The following MMP11 variants were observed in gnomAD, a reference collection of about 807,000 sequenced individuals.
The protein encoded by MMP11 is matrix metallopeptidase 11.
In MMP11, 26 loss-of-function variants were observed where a neutral mutation model predicts 49.5. That is an observed-to-expected ratio of 0.52 (90% CI 0.38 to 0.73). The LOEUF is 0.73. MMP11 is among the 30% of genes least tolerant of loss of function. The pLI, the probability that MMP11 is intolerant of heterozygous loss-of-function variation, is 0.00. For missense variants in MMP11, 624 were observed against 671.2 expected (o/e 0.93, Z 0.78); for synonymous variants, 265 against 282.3 (o/e 0.94, Z 0.62).
At chr22:23,773,689 G>A (rs1927314640) in intron 1 of MMP11, among the ~76,000 whole-genome samples, 1 of 152,172 alleles carries the variant, frequency 6.6e-6, no homozygotes, top group African/African-American at 2.4e-5. Flanking sequence ...AGGAGGGACT[G>A]TCATGGAGTG....
chr22:23,779,717 C>T, intron 2 of MMP11: 1 of 477,220 alleles, frequency 2.1e-6, no homozygotes, highest in Non-Finnish European at 3.8e-6. Flanking sequence ...TACAAGAGAC[C>T]TGTGAGGACC....
chr22:23,775,412 C>T (rs1362250347), intron 1 of MMP11, among the ~76,000 whole-genome samples: 3 of 152,318 alleles, frequency 2.0e-5, no homozygotes, highest in East Asian at 1.9e-4. Context: ...TGCTTCATGC[C>T]GTGCCTTGTA....
rs770660025 is a variant in MMP11 at position 23,782,390 on chromosome 22, A to C, written c.1240A>C (p.Ser414Arg). ...RGRDYWRFHP[S>R]TRRVDSPVPR... ...CAGGGACTACTGGCGTTTCCACCCCAGCACCCGGCGTGTAGACAGTCCCGT... is the reference window on the plus strand; with the variant it reads ...CAGGGACTACTGGCGTTTCCACCCCCGCACCCGGCGTGTAGACAGTCCCGT... Residue 414 changes from serine to arginine, a missense_variant, in exon 7 of 8, where the codon AGC (serine) becomes CGC (arginine). Coordinates refer to ENST00000215743, the MANE Select transcript of MMP11 (RefSeq NM_005940.5). 6.2e-7 allele frequency: 1 copy of C among 1,613,918 alleles called. No individual in the cohort carries two copies. Among genetic ancestry groups the C allele is most frequent in the Non-Finnish European group, 8.5e-7 (1 of 1,180,000 alleles).
At position 23,779,212 on chromosome 22, in the gene MMP11, G is replaced by C; in HGVS notation, c.134G>C (p.Arg45Thr). ...GACGCCCACCACCTCCATGCCGAGA[G>C]GAGGGGGCCACAGCCCTGGCATGCA... is the stretch of plus-strand genomic sequence containing the variant. ...PPDAHHLHAERRGPQPWHAAL... is the reference protein window; with the variant it reads ...PPDAHHLHAETRGPQPWHAAL... The change falls in exon 2 of 8, where the codon AGG (arginine) becomes ACG (threonine). Residue 45 changes from arginine to threonine, a missense_variant. Arg to Thr is a moderately conservative substitution (Grantham distance 71). Coordinates refer to ENST00000215743, the MANE Select transcript of MMP11 (RefSeq NM_005940.5). The C allele has an allele frequency of 1.2e-6, 2 of 1,605,366 alleles. No homozygotes were observed. The highest frequency in any genetic ancestry group is 1.7e-6 in the Non-Finnish European group (2 of 1,176,922).
chr22:23,778,234 T>C (rs892180320), intron 1 of MMP11, among the ~76,000 whole-genome samples: 13 of 152,362 alleles, frequency 8.5e-5, no homozygotes, highest in African/African-American at 3.1e-4. Flanking sequence ...GGCCTTGCCA[T>C]GCCCTTGCTG....
At chr22:23,779,146 C>T (rs775673425) in intron 1 of MMP11, 41 bp from the exon 2 acceptor site, 201 of 1,481,980 alleles carry the variant, frequency 1.4e-4, no homozygotes, top group Non-Finnish European at 1.7e-4. Flanking sequence ...GCCATGTGGA[C>T]CTTAGGCCTG....
Position 23,780,554 on chromosome 22 carries a change from C to T in MMP11, c.483-28C>T, listed in dbSNP as rs916563208. On this transcript the variant is annotated intron_variant, in intron 3 of 7. Transcript: ENST00000215743. The surrounding 1 kb of genome is among the most constrained non-coding windows in gnomAD (Gnocchi z 4.6). ...GGGAACAGCCTCGCCTGCCAGCAGC[C>T]ACTGACCCCGCCCCCACCCATCTGT... 6.2e-7 allele frequency: 1 copy of T among 1,611,818 alleles called. No individual in the cohort carries two copies. Among genetic ancestry groups the T allele is most frequent in the Non-Finnish European group, 8.5e-7 (1 of 1,178,966 alleles).
rs1397644346 is a variant in MMP11, at chr22:23,772,888, G to C, written c.18G>C (p.Trp6Cys). The change falls in exon 1 of 8, where the codon TGG (tryptophan) becomes TGC (cysteine). Residue 6 changes from tryptophan to cysteine, a missense_variant. By Grantham distance (215) the Trp-to-Cys change is radical. Coordinates refer to ENST00000215743, the MANE Select transcript of MMP11 (RefSeq NM_005940.5). MAPAA[W>C]LRSAAARALL... is the part of the protein sequence containing the mutation. ...CGGGGCGGATGGCTCCGGCCGCCTGGCTCCGCAGCGCGGCCGCGCGCGCCC... is the reference window on the plus strand; with the variant it reads ...CGGGGCGGATGGCTCCGGCCGCCTGCCTCCGCAGCGCGGCCGCGCGCGCCC... The C allele has an allele frequency of 1.4e-5, 16 of 1,164,584 alleles. No individual in the cohort carries two copies. Among genetic ancestry groups the C allele is most frequent in the Admixed American group, 4.7e-5 (1 of 21,404 alleles). 72.1% of individuals were successfully genotyped at this position (1,164,584 alleles called of 1,614,324 possible). A position where few individuals can be genotyped will look rare whatever the true frequency, so the allele number is the denominator to read the frequency against.
In MMP11 at chr22:23,780,437, T is replaced by C. The variant is rs750234992; in HGVS notation, c.417T>C (p.Asp139=). The C allele has an allele frequency of 2.5e-6, 4 of 1,613,894 alleles. No homozygotes were observed. Among genetic ancestry groups the C allele is most frequent in the East Asian group, 4.5e-5 (2 of 44,868 alleles). The change falls in exon 3 of 8, where the codon GAT becomes GAC. Residue 139 remains aspartate, a synonymous_variant. Coordinates refer to ENST00000215743, the MANE Select transcript of MMP11 (RefSeq NM_005940.5). The surrounding 1 kb of genome is among the most constrained non-coding windows in gnomAD (Gnocchi z 4.6). The stretch of plus-strand genomic sequence containing the variant: ...CAGAGGCCCTAAAGGTATGGAGCGA[T>C]GTGACGCCACTCACCTTTACTGAGG... ...TMAEALKVWS[D]VTPLTFTEVH...
chr22:23,783,970 C>G lies in MMP11; in HGVS notation c.*426C>G, dbSNP rs200222961. On this transcript the variant is annotated 3_prime_UTR_variant, in exon 8 of 8. Coordinates refer to ENST00000215743, the MANE Select transcript of MMP11 (RefSeq NM_005940.5). ...TGCTGGGGCCCCATGGCCTTCAGCC[C>G]TGGCTGAGCAACTGGGCTGTAGGGC... 18 of 185,670 alleles carry G rather than the reference C, an allele frequency of 9.7e-5. No homozygotes were observed. In the East Asian group the frequency reaches 1.8e-3, roughly 19 times the overall value. The allele number at this position is 185,670 out of a possible 1,614,324, so 11.5% of individuals were successfully genotyped here.
intron 1 of MMP11, among the ~76,000 whole-genome samples, chr22:23,774,064 G>A (rs536049569): frequency 6.9e-4 from 105 of 152,078 alleles, no homozygotes; most frequent in African/African-American, 2.4e-3. Context: ...CTAGGACTTG[G>A]GACAGAGTCA....
Position 23,780,446 on chromosome 22 carries a change from A to G in MMP11, c.426A>G (p.Pro142=), listed in dbSNP as rs753744926. ...TAAAGGTATGGAGCGATGTGACGCC[A>G]CTCACCTTTACTGAGGTGCACGAGG... ...EALKVWSDVT[P]LTFTEVHEGR... The change falls in exon 3 of 8, where the codon CCA becomes CCG. Residue 142 remains proline (P), a synonymous_variant. Coordinates refer to ENST00000215743, the MANE Select transcript of MMP11 (RefSeq NM_005940.5). This position sits in a 1 kb window ranked among gnomAD's most constrained non-coding sequence, Gnocchi z 4.6. The G allele has an allele frequency of 1.2e-6, 2 of 1,613,934 alleles. No homozygotes were observed. Among genetic ancestry groups the G allele is most frequent in the Non-Finnish European group, 8.5e-7 (1 of 1,179,988 alleles).
intron 1 of MMP11, 53 bp downstream of exon 1, chr22:23,773,031 C>T: frequency 1.7e-6 from 2 of 1,145,470 alleles, no homozygotes; most frequent in Non-Finnish European, 2.1e-6. Context: ...GCCGGGCACG[C>T]GGGCTGGGCC....
At chr22:23,773,535 T>C (rs764429453) in intron 1 of MMP11, among the ~76,000 whole-genome samples, 1 of 151,868 alleles carries the variant, frequency 6.6e-6, no homozygotes, top group Non-Finnish European at 1.5e-5. Flanking sequence ...CAGGAGAACA[T>C]GAGTATGAAA....
Position 23,783,689 on chromosome 22 carries a change from AC to A in MMP11, c.*147del. 1 of 1,145,346 alleles carries A rather than the reference AC, an allele frequency of 8.7e-7. No individual in the cohort carries two copies. The highest frequency in any genetic ancestry group is 1.3e-6 in the Non-Finnish European group (1 of 798,664). The allele number at this position is 1,145,346 out of a possible 1,614,324, so 70.9% of individuals were successfully genotyped here. On this transcript the variant is annotated 3_prime_UTR_variant, in exon 8 of 8. Coordinates refer to ENST00000215743, the MANE Select transcript of MMP11 (RefSeq NM_005940.5). ...CAGGGGGATGGGGTGGGGTACAACC[AC>A]CATGACAACTGCCGGGAGGGCCACG...
intron 1 of MMP11, among the ~76,000 whole-genome samples, chr22:23,778,413 A>G (rs763056809): frequency 1.1e-3 from 172 of 152,286 alleles, no homozygotes; most frequent in Non-Finnish European, 2.0e-3. Context: ...CCTGGTAATT[A>G]ACTGTCCCCA....
rs775538355 is a variant in MMP11, at chr22:23,781,054, T to G, written c.812T>G (p.Leu271Arg). 1.2e-6 allele frequency: 2 copies of G among 1,611,148 alleles called. No individual in the cohort carries two copies. Residue 271 changes from leucine (L) to arginine (R), a missense_variant, in exon 5 of 8, where the codon CTG (leucine) becomes CGG (arginine). Physicochemically the swap from Leu to Arg is moderately radical, Grantham distance 102. Transcript: ENST00000215743. ...WPTVTSRTPA[L>R]GPQAGIDTNE... The stretch of plus-strand genomic sequence containing the variant: ...ACTGTCACCTCCAGGACCCCAGCCC[T>G]GGGCCCCCAGGCTGGGATAGACACC...
In MMP11 at chr22:23,780,241, AC is replaced by A. The variant is rs1337883505; in HGVS notation, c.339-116del. On this transcript the variant is annotated intron_variant, in intron 2 of 7. Coordinates refer to ENST00000215743, the MANE Select transcript of MMP11 (RefSeq NM_005940.5). This position sits in a 1 kb window ranked among gnomAD's most constrained non-coding sequence, Gnocchi z 4.6. The stretch of plus-strand genomic sequence containing the variant: ...GCGCTGAAGCTGAGGCCCAGAGTAC[AC>A]CTGGCCTGTGTCCTGAGTGTTCACA... 1 of 1,285,732 alleles carries A rather than the reference AC, an allele frequency of 7.8e-7. No homozygotes were observed. Among genetic ancestry groups the A allele is most frequent in the Non-Finnish European group, 1.1e-6 (1 of 916,776 alleles). 79.6% of individuals were successfully genotyped at this position (1,285,732 alleles called of 1,614,324 possible).
rs553538932 is a variant in MMP11, at chr22:23,775,921, G to A, written c.108+2943G>A. 5.9e-5 allele frequency among the ~76,000 whole-genome samples: 9 copies of A among 152,360 alleles called. No individual in the cohort carries two copies. The South Asian group carries it at 1.9e-3, about 32-fold the overall frequency. On this transcript the variant is annotated intron_variant, in intron 1 of 7. Coordinates refer to ENST00000215743, the MANE Select transcript of MMP11 (RefSeq NM_005940.5). The stretch of plus-strand genomic sequence containing the variant: ...GCTACAGCAGGCATTACAGAAGGAT[G>A]TCATGTAGCCCTTTGCTGTGGCATC...
Sources: allele counts gnomAD v4.1 joint callset (sites outside exome capture counted in the v4.1 genomes callset), GRCh38; gene constraint gnomAD v4.1.1; non-coding constraint Gnocchi (gnomAD v3.1); transcripts MANE v1.5; gene names NCBI Gene and HGNC (gene_info 2026-07-23, HGNC 2026-07-21).